BPI: variants seen among roughly 807,000 people sequenced by gnomAD.
The protein encoded by BPI is bactericidal permeability increasing protein.
Under a neutral mutation model 57.6 loss-of-function variants are expected in BPI, and 48 were observed. That is an observed-to-expected ratio of 0.83 (90% CI 0.66 to 1.06). BPI has a LOEUF of 1.06. Ranked by LOEUF, BPI falls within the 50% of genes least tolerant of loss-of-function variation. The probability of loss-of-function intolerance (pLI) is 0.00; values close to 1 mark genes in which losing one functional copy is unlikely to be tolerated. For missense variants in BPI, 651 were observed against 609.7 expected (o/e 1.07, Z -0.71); for synonymous variants, 237 against 238.2 (o/e 0.99, Z 0.05).
chr20:38,305,855 T>C (rs2076594239), intron 1 of BPI, among the ~76,000 whole-genome samples: 1 of 152,198 alleles, frequency 6.6e-6, no homozygotes. Flanking sequence ...ATTTCATTGA[T>C]ATTATTATTT....
intron 12 of BPI, 38 bp from the exon 13 acceptor site, chr20:38,334,392 A>T: frequency 6.3e-7 from 1 of 1,586,570 alleles, no homozygotes; most frequent in East Asian, 2.2e-5. Context: ...GGTTCTGGCG[A>T]TGCAGGGCCA....
chr20:38,335,889 C>T (rs1035612280), intron 14 of BPI, among the ~76,000 whole-genome samples: 6 of 152,200 alleles, frequency 3.9e-5, no homozygotes, highest in Non-Finnish European at 8.8e-5. Context: ...GCCAGGCTCC[C>T]GGCTTTGAAC....
intron 5 of BPI, among the ~76,000 whole-genome samples, chr20:38,316,643 A>G (rs1334288166): frequency 2.0e-5 from 3 of 152,156 alleles, no homozygotes; most frequent in Non-Finnish European, 4.4e-5. Flanking sequence ...GGTTGCTGCT[A>G]TGGGCAACTG....
Position 38,310,517 on chromosome 20 carries a change from G to T in BPI, c.401G>T (p.Ser134Ile). The change falls in exon 4 of 15, where the codon AGC (serine) becomes ATC (isoleucine). Residue 134 changes from serine (S) to isoleucine (I), a missense_variant. Ser to Ile is a moderately radical substitution (Grantham distance 142). Transcript: ENST00000642449. Reference protein sequence around the residue: ...FLKMSGNFDLSIEGMSISADL... With the variant: ...FLKMSGNFDLIIEGMSISADL... ...AAAATGAGCGGCAATTTTGACCTGA[G>T]CATAGAAGGCATGTCCATTTCGGCT... The T allele has an allele frequency of 6.2e-7, 1 of 1,614,076 alleles. No homozygotes were observed. The highest frequency in any genetic ancestry group is 8.5e-7 in the Non-Finnish European group (1 of 1,179,954).
At chr20:38,324,070 G>T (rs2076700352) in intron 8 of BPI, 24 bp downstream of exon 8, 3 of 1,611,216 alleles carry the variant, frequency 1.9e-6, no homozygotes, top group African/African-American at 2.7e-5. Flanking sequence ...CTGGGTGGGT[G>T]TGGGAAGAGC....
At chr20:38,319,138 G>C (rs533328477) in intron 6 of BPI, among the ~76,000 whole-genome samples, 104 of 152,320 alleles carry the variant, frequency 6.8e-4, no homozygotes, top group African/African-American at 2.3e-3. Context: ...AGGAGGCTGA[G>C]GCAGGAGAAT....
intron 11 of BPI, among the ~76,000 whole-genome samples, chr20:38,329,160 T>G (rs926176801): frequency 6.7e-6 from 1 of 148,468 alleles, no homozygotes; most frequent in Admixed American, 6.7e-5. Context: ...AGGGGAGAGA[T>G]GTAGAAAAGG....
At chr20:38,311,799 G>C in intron 4 of BPI, 75 bp from the exon 5 acceptor site, 3 of 1,476,384 alleles carry the variant, frequency 2.0e-6, no homozygotes, top group Non-Finnish European at 1.9e-6. Context: ...AAGCTTTTGA[G>C]ATGAGGCAGC....
At chr20:38,314,087 T>C (rs1600701353) in intron 5 of BPI, among the ~76,000 whole-genome samples, 1 of 149,672 alleles carries the variant, frequency 6.7e-6, no homozygotes. Context: ...ATGATGGTGA[T>C]GGGATGATGA....
At chr20:38,316,507 G>A (rs1417037289) in intron 5 of BPI, among the ~76,000 whole-genome samples, 1 of 152,244 alleles carries the variant, frequency 6.6e-6, no homozygotes, top group Non-Finnish European at 1.5e-5. Context: ...AGCAGTGGAG[G>A]TGACTCCGCC....
At chr20:38,315,841 T>C (rs2076649353) in intron 5 of BPI, among the ~76,000 whole-genome samples, 1 of 150,460 alleles carries the variant, frequency 6.6e-6, no homozygotes. Flanking sequence ...TTTTCTTTTT[T>C]TTTTTTTTGG....
chr20:38,328,713 C>G (rs779025862), intron 11 of BPI, among the ~76,000 whole-genome samples: 7 of 151,186 alleles, frequency 4.6e-5, no homozygotes, highest in Non-Finnish European at 1.0e-4. Flanking sequence ...GAGAGAAATA[C>G]AGGGCCAGGC....
chr20:38,335,085 T>C (rs1169738851), intron 13 of BPI, among the ~76,000 whole-genome samples: 2 of 152,184 alleles, frequency 1.3e-5, no homozygotes, highest in African/African-American at 4.8e-5. Context: ...ACATCAGTCC[T>C]GGGATCTGTC....
Position 38,326,171 on chromosome 20 carries a change from G to A in BPI, c.994-94G>A, listed in dbSNP as rs569556713. 7.1e-6 allele frequency: 9 copies of A among 1,275,028 alleles called. No homozygotes were observed. In the East Asian group the frequency reaches 2.0e-4, roughly 28 times the overall value. The allele number at this position is 1,275,028 out of a possible 1,614,324, so 79.0% of individuals were successfully genotyped here. ...ATTCTAAGAGCAATGGGAAGACATT[G>A]AAGGTATTTAAGTAGGGGCAGGCCA... On this transcript the variant is annotated intron_variant, in intron 9 of 14. Coordinates refer to ENST00000642449, the MANE Select transcript of BPI (RefSeq NM_001725.3).
At chr20:38,313,921 A>ATGATGGCGATGATGG (rs1014643179) in intron 5 of BPI, among the ~76,000 whole-genome samples, 1 of 150,906 alleles carries the variant, frequency 6.6e-6, no homozygotes, top group African/African-American at 2.4e-5. Flanking sequence ...GATGATAATG[A>ATGATGGCGATGATGG]TGATGGCGAT....
At chr20:38,320,352 A>C (rs2076675138) in intron 7 of BPI, 78 bp downstream of exon 7, 8 of 1,324,688 alleles carry the variant, frequency 6.0e-6, no homozygotes, top group Non-Finnish European at 8.5e-6. Flanking sequence ...CTTGGAAACA[A>C]ACTTAACAAT....
At chr20:38,320,034 G>A in intron 6 of BPI, 149 bp from the exon 7 acceptor site, 2 of 647,602 alleles carry the variant, frequency 3.1e-6, no homozygotes, top group Non-Finnish European at 5.4e-6. Context: ...CTTAAGGCGA[G>A]CTCCCTTAAG....
intron 2 of BPI, 67 bp from the exon 3 acceptor site, chr20:38,308,863 A>G (rs2076608731): frequency 1.7e-5 from 27 of 1,590,726 alleles, no homozygotes; most frequent in Non-Finnish European, 2.2e-5. Flanking sequence ...TTAACCATTA[A>G]CGAAGTCCTC....
chr20:38,308,998 T>C lies in BPI; in HGVS notation c.314T>C (p.Phe105Ser), dbSNP rs772964825. 2.5e-6 allele frequency: 4 copies of C among 1,614,038 alleles called. No individual in the cohort carries two copies. The South Asian group carries it at 3.3e-5, about 13-fold the overall frequency. ...ISMVPNVGLK[F>S]SISNANIKIS... ...ATGGTGCCCAATGTGGGCCTTAAGTTCTCCATCAGCAACGCCAATATCAAG... is the reference window on the plus strand; with the variant it reads ...ATGGTGCCCAATGTGGGCCTTAAGTCCTCCATCAGCAACGCCAATATCAAG... Residue 105 changes from phenylalanine to serine, a missense_variant, in exon 3 of 15, where the codon TTC becomes TCC. Coordinates refer to ENST00000642449, the MANE Select transcript of BPI (RefSeq NM_001725.3).
Sources: gnomAD v4.1 joint callset for allele counts (sites outside exome capture counted in the v4.1 genomes callset) on GRCh38, gnomAD v4.1.1 for gene constraint, MANE v1.5 for transcripts, NCBI Gene and HGNC (gene_info 2026-07-23, HGNC 2026-07-21) for gene names.